Variants in TNR observed in about 807,000 individuals in gnomAD.
TNR encodes the protein tenascin R.
Under a neutral mutation model 150.4 loss-of-function variants are expected in TNR, and 45 were observed. The ratio of observed to expected loss-of-function variants is 0.30; its 90% CI spans 0.24 to 0.38. The LOEUF (loss-of-function observed/expected upper bound fraction) is 0.38, where lower values mean the gene tolerates loss of function less well. Among genes scored for constraint, TNR ranks in the 10% least tolerant of loss-of-function variants. The probability of loss-of-function intolerance (pLI) is 1.00; values close to 1 mark genes in which losing one functional copy is unlikely to be tolerated. For missense variants in TNR, 1,544 were observed against 1,759.1 expected, an observed-to-expected ratio of 0.88 and a Z score of 2.19; for synonymous variants, 687 against 678.4, an observed-to-expected ratio of 1.01 and a Z score of -0.20.
At chr1:175,538,552 G>A (rs1660380678) in intron 1 of TNR, among the ~76,000 whole-genome samples, 1 of 152,206 alleles carries the variant, frequency 6.6e-6, no homozygotes, top group African/African-American at 2.4e-5. Flanking sequence ...GTCCTGGTAT[G>A]ATCCAAGGTT....
At chr1:175,673,755 G>A (rs1430172857) in intron 1 of TNR, among the ~76,000 whole-genome samples, 1 of 152,192 alleles carries the variant, frequency 6.6e-6, no homozygotes, top group African/African-American at 2.4e-5. Flanking sequence ...GGTACGGGAG[G>A]GTAGAATTAG....
At chr1:175,429,276 T>A (rs1351960) in intron 2 of TNR, among the ~76,000 whole-genome samples, 1 of 152,154 alleles carries the variant, frequency 6.6e-6, no homozygotes, top group Non-Finnish European at 1.5e-5. Flanking sequence ...TAGATATAGA[T>A]GTATATGTAA....
At position 175,700,128 on chromosome 1, in the gene TNR, G is replaced by A. The variant is rs919394582; in HGVS notation, c.-165+43098C>T. On this transcript the variant is annotated intron_variant, in intron 1 of 22. Coordinates refer to ENST00000367674, the MANE Select transcript of TNR (RefSeq NM_003285.3). Reference sequence around the variant, plus strand: ...TTGGATGGAAGCATCCTAGATTGCCGTGCAGTCCAAGGAAGGCTAGAAGGT... The same window carrying A: ...TTGGATGGAAGCATCCTAGATTGCCATGCAGTCCAAGGAAGGCTAGAAGGT... Among the ~76,000 whole-genome samples the A allele has an allele frequency of 2.6e-5, 4 of 151,244 alleles. No individual in the cohort carries two copies. The South Asian group carries it at 6.4e-4, about 24-fold the overall frequency.
At chr1:175,727,899 A>G (rs1211603841) in intron 1 of TNR, among the ~76,000 whole-genome samples, 1 of 152,206 alleles carries the variant, frequency 6.6e-6, no homozygotes, top group Non-Finnish European at 1.5e-5. Context: ...TTGAGAAAGG[A>G]GAAATAAAAT....
At chr1:175,407,238 G>A (rs146851004) in intron 2 of TNR, among the ~76,000 whole-genome samples, 1 of 152,130 alleles carries the variant, frequency 6.6e-6, no homozygotes, top group Non-Finnish European at 1.5e-5. Context: ...AACTTCATGA[G>A]CTCCTCTCAG....
At chr1:175,675,226 GCCTGAATGAACGGGCTTTGTGGATCCTCT>G in intron 1 of TNR, among the ~76,000 whole-genome samples, 1 of 152,304 alleles carries the variant, frequency 6.6e-6, no homozygotes, top group South Asian at 2.1e-4. Flanking sequence ...TGTTAGCAAT[GCCTGAATGAACGGGCTTTGTGGATCCTCT>G]AAAGCTCTAT....
rs779000543 is a variant in TNR, at chr1:175,403,403, T to C, written c.713A>G (p.Asp238Gly). Residue 238 changes from aspartate to glycine, a missense_variant, in exon 4 of 23, where the codon GAC (aspartate) becomes GGC (glycine). Physicochemically the swap from Asp to Gly is moderately conservative, Grantham distance 94. Coordinates refer to ENST00000367674, the MANE Select transcript of TNR (RefSeq NM_003285.3). Reference sequence around the variant, plus strand: ...CACGCAGAGCCCCCGGGAGCTGCAGTCTGTTGGGCACCGGAGTTCGGAACA... The same window carrying C: ...CACGCAGAGCCCCCGGGAGCTGCAGCCTGTTGGGCACCGGAGTTCGGAACA... ...DDCSELRCPTDCSSRGLCVDG... is the reference protein window; with the variant it reads ...DDCSELRCPTGCSSRGLCVDG... 6 of 1,614,146 alleles carry C rather than the reference T, an allele frequency of 3.7e-6. No homozygotes were observed. The South Asian group carries it at 6.6e-5, about 18-fold the overall frequency.
intron 18 of TNR, among the ~76,000 whole-genome samples, chr1:175,339,051 G>A (rs1650389290): frequency 6.6e-6 from 1 of 152,198 alleles, no homozygotes; most frequent in Non-Finnish European, 1.5e-5. Context: ...TTTACCAAGT[G>A]TTTTTATTTC....
intron 1 of TNR, among the ~76,000 whole-genome samples, chr1:175,625,383 C>CA (rs1664119153): frequency 2.0e-5 from 3 of 152,200 alleles, no homozygotes; most frequent in Non-Finnish European, 4.4e-5. Flanking sequence ...TAAAGGGGGA[C>CA]ACAGGAGTGG....
chr1:175,388,103 T>C (rs949934094), intron 7 of TNR, among the ~76,000 whole-genome samples: 1 of 152,194 alleles, frequency 6.6e-6, no homozygotes, highest in Non-Finnish European at 1.5e-5. Flanking sequence ...TTAAATTAAT[T>C]ATGAAATGGG....
chr1:175,735,961 A>G (rs1400499123), intron 1 of TNR, among the ~76,000 whole-genome samples: 1 of 152,228 alleles, frequency 6.6e-6, no homozygotes, highest in Non-Finnish European at 1.5e-5. Flanking sequence ...AGTAGGAGAA[A>G]AAATAGCCAA....
At chr1:175,543,220 G>A (rs190760694) in intron 1 of TNR, among the ~76,000 whole-genome samples, 4 of 152,276 alleles carry the variant, frequency 2.6e-5, no homozygotes, top group African/African-American at 9.6e-5. Flanking sequence ...GAACTCCCAG[G>A]GGGGAGCAGA....
intron 2 of TNR, among the ~76,000 whole-genome samples, chr1:175,509,008 G>A (rs1181445740): frequency 6.6e-6 from 1 of 152,212 alleles, no homozygotes; most frequent in East Asian, 1.9e-4. Context: ...CTCCTCAGAA[G>A]TAGATGATAG....
intron 18 of TNR, among the ~76,000 whole-genome samples, chr1:175,343,079 T>G (rs1205989237): frequency 6.6e-6 from 1 of 152,192 alleles, no homozygotes; most frequent in Non-Finnish European, 1.5e-5. Context: ...TTCTCCACAC[T>G]TTAGCCAGAG....
intron 1 of TNR, among the ~76,000 whole-genome samples, chr1:175,580,077 A>G (rs1346429509): frequency 1.3e-5 from 2 of 152,156 alleles, no homozygotes; most frequent in Non-Finnish European, 2.9e-5. Context: ...ACATCTAGAC[A>G]TTTGATTCGG....
At chr1:175,456,714 C>A (rs993823280) in intron 2 of TNR, among the ~76,000 whole-genome samples, 7 of 152,102 alleles carry the variant, frequency 4.6e-5, no homozygotes, top group African/African-American at 7.2e-5. Flanking sequence ...GCACAATTTT[C>A]TGTTATAAAC....
intron 2 of TNR, among the ~76,000 whole-genome samples, chr1:175,493,877 A>C (rs948848843): frequency 1.3e-5 from 2 of 152,106 alleles, no homozygotes; most frequent in African/African-American, 4.8e-5. Context: ...CACTCTGTGT[A>C]CTTGAGTCAG....
In TNR at chr1:175,401,591, T is replaced by C. The variant is rs1653704154; in HGVS notation, c.976+1549A>G. ...GGATATGGAAAAAATTAAGGAACATTAAATTTTTTTCCCTAAGCACAGTGC... is the reference window on the plus strand; with the variant it reads ...GGATATGGAAAAAATTAAGGAACATCAAATTTTTTTCCCTAAGCACAGTGC... On this transcript the variant is annotated intron_variant, in intron 4 of 22. Transcript: ENST00000367674. 1.3e-5 allele frequency among the ~76,000 whole-genome samples: 2 copies of C among 152,188 alleles called. 1 individual carries two copies. The highest frequency in any genetic ancestry group is 4.1e-4 in the South Asian group (2 of 4,828).
intron 2 of TNR, among the ~76,000 whole-genome samples, chr1:175,445,583 A>G (rs1339675630): frequency 6.6e-6 from 1 of 152,204 alleles, no homozygotes; most frequent in Admixed American, 6.5e-5. Flanking sequence ...TACTCATTAC[A>G]GGTCCCAGAG....
Sources: gnomAD v4.1 joint callset for allele counts (sites outside exome capture counted in the v4.1 genomes callset) on GRCh38, gnomAD v4.1.1 for gene constraint, MANE v1.5 for transcripts, NCBI Gene and HGNC (gene_info 2026-07-23, HGNC 2026-07-21) for gene names.